The following CORIN variants were observed in gnomAD, a reference collection of about 807,000 sequenced individuals.
The protein encoded by CORIN is corin, serine peptidase.
In CORIN, 117 loss-of-function variants were observed where a neutral mutation model predicts 125.3. The ratio of observed to expected loss-of-function variants is 0.93; its 90% CI spans 0.80 to 1.09. The LOEUF is 1.09. Ranked by LOEUF, CORIN falls within the 50% of genes least tolerant of loss-of-function variation. The pLI is 0.00. For synonymous variants in CORIN, 450 were observed against 466.4 expected, an observed-to-expected ratio of 0.96 and a Z score of 0.45; for missense variants, 1,253 against 1,306.7, an observed-to-expected ratio of 0.96 and a Z score of 0.63.
chr4:47,604,857 T>TA (rs996860965), intron 19 of CORIN, among the ~76,000 whole-genome samples: 8 of 152,102 alleles, frequency 5.3e-5, no homozygotes, highest in African/African-American at 1.7e-4. Context: ...GAGCAATATT[T>TA]AAAAAAAATT....
chr4:47,654,474 C>T (rs1723874388), intron 12 of CORIN, among the ~76,000 whole-genome samples: 1 of 152,212 alleles, frequency 6.6e-6, no homozygotes, highest in South Asian at 2.1e-4. Flanking sequence ...CTCCCCCATT[C>T]CCCAGCAAGA....
chr4:47,656,376 G>T (rs1457142236), intron 12 of CORIN, among the ~76,000 whole-genome samples: 2 of 151,940 alleles, frequency 1.3e-5, no homozygotes, highest in East Asian at 3.9e-4. Flanking sequence ...GGCTGGTCTT[G>T]AACTCCCAAC....
chr4:47,628,437 CGTGT>C (rs35452886), intron 16 of CORIN, among the ~76,000 whole-genome samples: 3,386 of 147,322 alleles, frequency 0.023, 50 homozygotes, highest in African/African-American at 0.047. Context: ...CACATAGTTA[CGTGT>C]GTGTGTGTGT....
intron 19 of CORIN, among the ~76,000 whole-genome samples, chr4:47,607,222 C>T (rs887573984): frequency 2.0e-5 from 3 of 152,042 alleles, no homozygotes; most frequent in South Asian, 2.1e-4. Flanking sequence ...TCCTGGCTAA[C>T]GCGGTGAAAC....
intron 3 of CORIN, among the ~76,000 whole-genome samples, chr4:47,767,222 G>C (rs1291569941): frequency 2.6e-5 from 4 of 152,070 alleles, no homozygotes. Context: ...TTCTGGGCTT[G>C]AGTTGTCAGA....
In CORIN at chr4:47,609,977, A is replaced by G. The variant is rs140298590; in HGVS notation, c.2541-6309T>C. ...GCATAGGATTCCATGGTGTATATGT[A>G]CCACATTTTCTTTATCCAGTCTATC... On this transcript the variant is annotated intron_variant, in intron 19 of 21. Coordinates refer to ENST00000273857, the MANE Select transcript of CORIN (RefSeq NM_006587.4). Among the ~76,000 whole-genome samples, 564 of 152,276 alleles carry G rather than the reference A, an allele frequency of 3.7e-3. 28 individuals carry two copies. The East Asian group carries it at 0.1, about 28-fold the overall frequency.
intron 1 of CORIN, 76 bp from the exon 2 acceptor site, chr4:47,807,123 C>T (rs991902640): frequency 1.8e-6 from 2 of 1,140,456 alleles, no homozygotes; most frequent in African/African-American, 1.6e-5. Context: ...TACAGCTATC[C>T]ATTTAGAACA....
chr4:47,815,048 A>G lies in CORIN; in HGVS notation c.64-8001T>C, dbSNP rs367821982. Among the ~76,000 whole-genome samples, 40 of 152,260 alleles carry G rather than the reference A, an allele frequency of 2.6e-4. No individual in the cohort carries two copies. The East Asian group carries it at 3.3e-3, about 12-fold the overall frequency. ...ATTAGTGTTTCTGTTTTGAGGATAC[A>G]TTGTTTAGCTGAAGTCTGAACTGTG... On this transcript the variant is annotated intron_variant, in intron 1 of 21. Transcript: ENST00000273857.
chr4:47,837,791 G>A (rs1308140146), intron 1 of CORIN, 96 bp downstream of exon 1: 1 of 1,077,856 alleles, frequency 9.3e-7, no homozygotes, highest in Middle Eastern at 2.8e-4. Context: ...ATCGGGCGGA[G>A]GAGAGGACGG....
chr4:47,690,946 A>G (rs552284110), intron 6 of CORIN, among the ~76,000 whole-genome samples: 9 of 152,362 alleles, frequency 5.9e-5, no homozygotes, highest in African/African-American at 2.2e-4. Flanking sequence ...AGTTTTCTGA[A>G]GGGATGTATT....
At chr4:47,694,776 C>A (rs910734479) in intron 5 of CORIN, among the ~76,000 whole-genome samples, 4 of 152,160 alleles carry the variant, frequency 2.6e-5, no homozygotes, top group Admixed American at 6.5e-5. Context: ...CAGCCAGTGG[C>A]TGGCACTCAG....
chr4:47,719,454 G>T (rs998398719), intron 5 of CORIN, among the ~76,000 whole-genome samples: 1 of 152,140 alleles, frequency 6.6e-6, no homozygotes, highest in African/African-American at 2.4e-5. Flanking sequence ...GCTTTAAGCT[G>T]CATTCTCACA....
chr4:47,680,513 C>T (rs1326049968), intron 7 of CORIN: 1 of 348,386 alleles, frequency 2.9e-6, no homozygotes, highest in East Asian at 6.0e-5. Flanking sequence ...GTAGTTTGTT[C>T]TTATTGTTGT....
chr4:47,785,421 C>A (rs758706229), intron 3 of CORIN, among the ~76,000 whole-genome samples: 63 of 152,214 alleles, frequency 4.1e-4, no homozygotes, highest in Non-Finnish European at 4.4e-4. Flanking sequence ...CACTTTCTGT[C>A]TTTTCTCTCT....
chr4:47,799,434 G>A (rs1023314295), intron 2 of CORIN, among the ~76,000 whole-genome samples: 3 of 151,900 alleles, frequency 2.0e-5, no homozygotes, highest in Non-Finnish European at 4.4e-5. Context: ...GTTGTTTTTT[G>A]ACTTTTTCGT....
chr4:47,721,239 A>G (rs1378129590), intron 5 of CORIN, among the ~76,000 whole-genome samples: 3 of 150,812 alleles, frequency 2.0e-5, no homozygotes, highest in African/African-American at 4.9e-5. Context: ...TTCTAATCCC[A>G]TCATGGGGGC....
chr4:47,757,867 C>CATATATTATGTATATAT (rs1453930155), intron 4 of CORIN, among the ~76,000 whole-genome samples: 27 of 91,734 alleles, frequency 2.9e-4, no homozygotes, highest in Non-Finnish European at 5.3e-4. Flanking sequence ...CATATATATA[C>CATATATTATGTATATAT]ATATATATAT....
chr4:47,617,902 G>C (rs1015532975), intron 19 of CORIN, among the ~76,000 whole-genome samples: 1 of 150,448 alleles, frequency 6.6e-6, no homozygotes, highest in African/African-American at 2.4e-5. Flanking sequence ...CTTGGGAATA[G>C]GAGAGAGAGA....
chr4:47,611,090 T>C (rs1721849838), intron 19 of CORIN, among the ~76,000 whole-genome samples: 1 of 152,214 alleles, frequency 6.6e-6, no homozygotes, highest in Non-Finnish European at 1.5e-5. Flanking sequence ...TCTTTTTTGG[T>C]TTCATATGAA....
Sources: gnomAD v4.1 joint callset for allele counts (sites outside exome capture counted in the v4.1 genomes callset) on GRCh38, gnomAD v4.1.1 for gene constraint, MANE v1.5 for transcripts, NCBI Gene and HGNC (gene_info 2026-07-23, HGNC 2026-07-21) for gene names.